CHORDC1: variants seen among roughly 807,000 people sequenced by gnomAD.
CHORDC1 encodes cysteine and histidine rich domain containing 1, also known as cysteine and histidine-rich domain-containing protein 1.
A neutral mutation model predicts 48.3 loss-of-function variants in CHORDC1; 25 were observed. That is an observed-to-expected ratio of 0.52 (90% confidence interval 0.38 to 0.72). The LOEUF (loss-of-function observed/expected upper bound fraction) is 0.72, where lower values mean the gene tolerates loss of function less well. Among genes scored for constraint, CHORDC1 ranks in the 30% least tolerant of loss-of-function variants. CHORDC1 has a pLI of 0.00. For synonymous variants in CHORDC1, 128 were observed against 126.4 expected, an observed-to-expected ratio of 1.01 and a Z score of -0.09; for missense variants, 317 against 388.7, an observed-to-expected ratio of 0.82 and a Z score of 1.55.
At chr11:90,216,388 T>C in intron 2 of CHORDC1, 1 of 234,754 alleles carries the variant, frequency 4.3e-6, no homozygotes, top group South Asian at 4.4e-5. Flanking sequence ...TCAGCAAGAT[T>C]GTCCTTTTCT....
intron 6 of CHORDC1, 56 bp downstream of exon 6, chr11:90,210,479 CT>C: frequency 5.2e-6 from 6 of 1,148,534 alleles, no homozygotes; most frequent in Non-Finnish European, 7.8e-6. Context: ...GCAAACTGCA[CT>C]TTCCTCAAAA....
chr11:90,204,871 G>T (rs1407510631), intron 8 of CHORDC1, among the ~76,000 whole-genome samples: 1 of 151,920 alleles, frequency 6.6e-6, no homozygotes, highest in African/African-American at 2.4e-5. Context: ...AATTTAATGG[G>T]GTTTTGGGAA....
intron 2 of CHORDC1, among the ~76,000 whole-genome samples, chr11:90,216,025 C>T (rs912528748): frequency 6.6e-6 from 1 of 151,996 alleles, no homozygotes; most frequent in Non-Finnish European, 1.5e-5. Flanking sequence ...CCTGTAGGTT[C>T]TTTTTCTTTA....
At chr11:90,220,371 A>C (rs1269440796) in intron 1 of CHORDC1, among the ~76,000 whole-genome samples, 1 of 152,198 alleles carries the variant, frequency 6.6e-6, no homozygotes, top group Non-Finnish European at 1.5e-5. Context: ...AGATGTTATT[A>C]ATTAAGGGTA....
intron 6 of CHORDC1, 27 bp from the exon 7 acceptor site, chr11:90,206,299 A>G: frequency 8.0e-7 from 1 of 1,242,818 alleles, no homozygotes; most frequent in South Asian, 1.2e-5. Flanking sequence ...GAGAAAAAAA[A>G]TTAGCTGCGT....
chr11:90,211,415 T>C (rs1348083648), intron 4 of CHORDC1, 97 bp from the exon 5 acceptor site: 1 of 755,318 alleles, frequency 1.3e-6, no homozygotes, highest in African/African-American at 1.8e-5. Context: ...AGAAGCCAAA[T>C]GCTTTGTGTA....
intron 1 of CHORDC1, among the ~76,000 whole-genome samples, chr11:90,219,782 C>T (rs1858118953): frequency 6.6e-6 from 1 of 152,114 alleles, no homozygotes; most frequent in African/African-American, 2.4e-5. Context: ...GTCTTTAATT[C>T]CTCTAGCACC....
At chr11:90,203,684 T>C (rs1857597673) in intron 8 of CHORDC1, among the ~76,000 whole-genome samples, 1 of 147,712 alleles carries the variant, frequency 6.8e-6, no homozygotes, top group Non-Finnish European at 1.5e-5. Context: ...GGCCATAATA[T>C]TGATACACAG....
intron 6 of CHORDC1, among the ~76,000 whole-genome samples, chr11:90,210,011 A>G (rs1857816488): frequency 6.6e-6 from 1 of 152,166 alleles, no homozygotes; most frequent in South Asian, 2.1e-4. Flanking sequence ...TTATTCCTTG[A>G]ATAGCCAAGT....
chr11:90,207,424 GCAAC>G (rs1440636418), intron 6 of CHORDC1: 1 of 152,040 alleles, frequency 6.6e-6, no homozygotes, highest in Non-Finnish European at 1.5e-5. Flanking sequence ...CCTGAAGTAA[GCAAC>G]GATTTCTTAA....
At chr11:90,205,092 AAC>A (rs1354641191) in intron 8 of CHORDC1, among the ~76,000 whole-genome samples, 4 of 148,932 alleles carry the variant, frequency 2.7e-5, no homozygotes, top group African/African-American at 5.0e-5. Context: ...CCAAAAGAAT[AAC>A]AGAGGTCTAA....
chr11:90,203,246 C>G, intron 9 of CHORDC1, 62 bp downstream of exon 9: 1 of 1,410,940 alleles, frequency 7.1e-7, no homozygotes, highest in Non-Finnish European at 9.7e-7. Flanking sequence ...CTTTAAAATA[C>G]AGTAACATAA....
chr11:90,206,443 T>A, intron 6 of CHORDC1, 171 bp from the exon 7 acceptor site: 1 of 533,016 alleles, frequency 1.9e-6, no homozygotes. Flanking sequence ...GAAAAATGAT[T>A]CCCTTTTGGA....
intron 7 of CHORDC1, 148 bp downstream of exon 7, chr11:90,206,052 CCT>C (rs1486939129): frequency 6.1e-6 from 4 of 652,776 alleles, no homozygotes; most frequent in African/African-American, 1.8e-5. Context: ...CATACAAACC[CCT>C]GTGTTTGTGT....
intron 5 of CHORDC1, 47 bp downstream of exon 5, chr11:90,211,168 T>G (rs1179860562): frequency 2.3e-6 from 3 of 1,298,510 alleles, no homozygotes; most frequent in Middle Eastern, 2.7e-4. Context: ...GATAACTGCT[T>G]AACTGTACCA....
In CHORDC1 at chr11:90,205,519, T is replaced by A; in HGVS notation, c.610A>T (p.Thr204Ser). 6.2e-7 allele frequency: 1 copy of A among 1,603,224 alleles called. No individual in the cohort carries two copies. Among genetic ancestry groups the A allele is most frequent in the Non-Finnish European group, 8.5e-7 (1 of 1,177,204 alleles). Reference sequence around the variant, plus strand: ...GTACAGCCCTCTTGGGCTAAGAATGTATTAAAATCAGAAGTTTTTCTTCTA... The same window carrying A: ...GTACAGCCCTCTTGGGCTAAGAATGAATTAAAATCAGAAGTTTTTCTTCTA... ...CCRRKTSDFNTFLAQEGCTKG... is the reference protein window; with the variant it reads ...CCRRKTSDFNSFLAQEGCTKG... Residue 204 changes from threonine (T) to serine (S), a missense_variant, in exon 8 of 11, where the codon ACA (threonine) becomes TCA (serine). Transcript: ENST00000320585.
intron 6 of CHORDC1, chr11:90,207,027 C>CT (rs369478072): frequency 3.2e-6 from 1 of 314,704 alleles, no homozygotes; most frequent in African/African-American, 2.2e-5. Flanking sequence ...AAACTTAATG[C>CT]TATTGCCCCC....
intron 3 of CHORDC1, among the ~76,000 whole-genome samples, chr11:90,214,605 G>A (rs1460860072): frequency 2.0e-5 from 3 of 152,028 alleles, no homozygotes; most frequent in Non-Finnish European, 4.4e-5. Flanking sequence ...TTTGTAAAAT[G>A]GAGGTAATGT....
At chr11:90,214,298 A>T in intron 3 of CHORDC1, 123 bp from the exon 4 acceptor site, 1 of 761,988 alleles carries the variant, frequency 1.3e-6, no homozygotes, top group Non-Finnish European at 1.9e-6. Context: ...CAATACATTG[A>T]TTTTAAGAAA....
Sources: gnomAD v4.1 joint callset for allele counts (sites outside exome capture counted in the v4.1 genomes callset) on GRCh38, gnomAD v4.1.1 for gene constraint, MANE v1.5 for transcripts, NCBI Gene and HGNC (gene_info 2026-07-23, HGNC 2026-07-21) for gene names.